The following TWSG1 variants were observed in gnomAD, a reference collection of about 807,000 sequenced individuals.
TWSG1 encodes twisted gastrulation BMP signaling modulator 1, also known as twisted gastrulation protein homolog 1.
Under a neutral mutation model 23.0 loss-of-function variants are expected in TWSG1, and 15 were observed. That is an observed-to-expected ratio of 0.65 (90% confidence interval 0.44 to 1.00). The LOEUF (loss-of-function observed/expected upper bound fraction) is 1.00, where lower values mean the gene tolerates loss of function less well. Among genes scored for constraint, TWSG1 ranks in the 50% least tolerant of loss-of-function variants. The probability of loss-of-function intolerance (pLI) is 0.00; values close to 1 mark genes in which losing one functional copy is unlikely to be tolerated. For synonymous variants in TWSG1, 86 were observed against 92.8 expected, an observed-to-expected ratio of 0.93 and a Z score of 0.42; for missense variants, 242 against 278.7, an observed-to-expected ratio of 0.87 and a Z score of 0.94.
rs1297887431 is a variant in TWSG1 at position 9,396,429 on chromosome 18, G to A, written c.373G>A (p.Glu125Lys). 6.2e-7 allele frequency: 1 copy of A among 1,614,094 alleles called. No homozygotes were observed. The highest frequency in any genetic ancestry group is 8.5e-7 in the Non-Finnish European group (1 of 1,180,058). Residue 125 changes from glutamate (E) to lysine (K), a missense_variant, in exon 4 of 5, where the codon GAA becomes AAA. Physicochemically the swap from Glu to Lys is moderately conservative, Grantham distance 56 (BLOSUM62 1). Transcript: ENST00000262120. ...GAACATCGTTTCTTTCCCTGTTGCA[G>A]AAGAACTTTCACATCATGAGAATCT... is the stretch of plus-strand genomic sequence containing the variant. Reference protein sequence around the residue: ...NWNIVSFPVAEELSHHENLVS... With the variant: ...NWNIVSFPVAKELSHHENLVS...
chr18:9,382,548 T>C (rs1254313871), intron 3 of TWSG1, among the ~76,000 whole-genome samples: 1 of 149,190 alleles, frequency 6.7e-6, no homozygotes, highest in East Asian at 2.0e-4. Context: ...GTGCGGTGGC[T>C]CACACCTATA....
At chr18:9,385,984 T>C (rs1256936348) in intron 3 of TWSG1, among the ~76,000 whole-genome samples, 9 of 142,788 alleles carry the variant, frequency 6.3e-5, no homozygotes, top group East Asian at 4.3e-4. Flanking sequence ...GCCTGGCCAA[T>C]ATGGCGAAAC....
intron 3 of TWSG1, chr18:9,388,136 CTG>C (rs1473992278): frequency 3.3e-5 from 5 of 152,212 alleles, no homozygotes; most frequent in African/African-American, 1.2e-4. Context: ...TGACTGCTTC[CTG>C]TGGTATCCTT....
rs1315204638 is a variant in TWSG1, at chr18:9,396,540, G to A, written c.484G>A (p.Asp162Asn). The A allele has an allele frequency of 1.2e-6, 2 of 1,610,632 alleles. No individual in the cohort carries two copies. The highest frequency in any genetic ancestry group is 1.7e-5 in the Admixed American group (1 of 59,984). ...SNNVHAPYSS[D>N]KEHMCTVVYF... Reference sequence around the variant, plus strand: ...TAATGTTCACGCGCCTTATTCCAGTGACAAAGGTAACTGCCAACAGTTGAC... The same window carrying A: ...TAATGTTCACGCGCCTTATTCCAGTAACAAAGGTAACTGCCAACAGTTGAC... The change falls in exon 4 of 5, where the codon GAC becomes AAC. Residue 162 changes from aspartate (D) to asparagine (N), a missense_variant. By Grantham distance (23) the Asp-to-Asn change is conservative. Transcript: ENST00000262120.
chr18:9,368,203 T>A (rs1415787752), intron 3 of TWSG1, among the ~76,000 whole-genome samples: 4 of 151,842 alleles, frequency 2.6e-5, no homozygotes, highest in African/African-American at 9.7e-5. Context: ...GTTTTTTTTG[T>A]TTTGTTTTGT....
intron 4 of TWSG1, among the ~76,000 whole-genome samples, chr18:9,397,670 A>C (rs1013712619): frequency 6.6e-6 from 1 of 152,232 alleles, no homozygotes. Flanking sequence ...TTGTACTCTT[A>C]CTTGACTATT....
In TWSG1 at chr18:9,351,958, T is replaced by G. The variant is rs190482754; in HGVS notation, c.124-8014T>G. Among the ~76,000 whole-genome samples, 229 of 152,240 alleles carry G rather than the reference T, an allele frequency of 1.5e-3. 8 individuals carry two copies. In the South Asian group the frequency reaches 0.035, roughly 23 times the overall value. On this transcript the variant is annotated intron_variant, in intron 2 of 4. Transcript: ENST00000262120. ...ACTGCTCCCAGCCTGTTCACTGTTT[T>G]TAGATGTACAGTTTTATGATTTTTG...
At chr18:9,398,004 CAAAA>C (rs573745689) in intron 4 of TWSG1, among the ~76,000 whole-genome samples, 39,818 of 83,956 alleles carry the variant, frequency 0.47, 5,444 homozygotes, top group Middle Eastern at 0.55. Context: ...AACTCCATCT[CAAAA>C]AAAAAAAAAA....
rs1209930797 is a variant in TWSG1, at chr18:9,400,742, C to T, written c.*1215C>T. On this transcript the variant is annotated 3_prime_UTR_variant, in exon 5 of 5. Transcript: ENST00000262120. ...GATGATGTTCACTCCAAATACACTA[C>T]AGAATTTAGTCAACATTTTATATAA... The T allele has an allele frequency of 6.6e-6, 1 of 152,144 alleles. No individual in the cohort carries two copies. Among genetic ancestry groups the T allele is most frequent in the East Asian group, 1.9e-4 (1 of 5,204 alleles). 9.4% of individuals were successfully genotyped at this position (152,144 alleles called of 1,614,324 possible).
At chr18:9,388,454 T>A (rs1031120075) in intron 3 of TWSG1, 1 of 152,234 alleles carries the variant, frequency 6.6e-6, no homozygotes, top group African/African-American at 2.4e-5. Context: ...ACTTTTAGAA[T>A]CAATGTATGA....
chr18:9,378,301 A>G (rs1286811541), intron 3 of TWSG1, among the ~76,000 whole-genome samples: 1 of 152,226 alleles, frequency 6.6e-6, no homozygotes, highest in Non-Finnish European at 1.5e-5. Context: ...AAGGCATCCA[A>G]ATAGGAAGAG....
chr18:9,339,913 T>C (rs1379847467), intron 2 of TWSG1, among the ~76,000 whole-genome samples: 2 of 152,222 alleles, frequency 1.3e-5, no homozygotes, highest in Non-Finnish European at 2.9e-5. Context: ...ATGGTGATTC[T>C]AGTAAACAAA....
intron 3 of TWSG1, among the ~76,000 whole-genome samples, chr18:9,378,392 G>A (rs552520748): frequency 6.6e-6 from 1 of 152,238 alleles, no homozygotes; most frequent in African/African-American, 2.4e-5. Flanking sequence ...AAAGCTCCTT[G>A]AACTGATAAA....
At position 9,337,429 on chromosome 18, in the gene TWSG1, G is replaced by A. The variant is rs961113822; in HGVS notation, c.123+77G>A. Reference sequence around the variant, plus strand: ...CATTATGTTTATATACAGATATAGAGTGCATATATCATATAGAGTAAGACC... The same window carrying A: ...CATTATGTTTATATACAGATATAGAATGCATATATCATATAGAGTAAGACC... On this transcript the variant is annotated intron_variant, in intron 2 of 4. Transcript: ENST00000262120. 7 of 1,464,398 alleles carry A rather than the reference G, an allele frequency of 4.8e-6. No homozygotes were observed. The African/African-American group carries it at 7.0e-5, about 15-fold the overall frequency. 90.7% of individuals were successfully genotyped at this position (1,464,398 alleles called of 1,614,324 possible).
At chr18:9,347,589 GA>G (rs1285842373) in intron 2 of TWSG1, among the ~76,000 whole-genome samples, 1 of 151,826 alleles carries the variant, frequency 6.6e-6, no homozygotes, top group African/African-American at 2.4e-5. Flanking sequence ...TATTCTTTTT[GA>G]TGCTATTGTT....
At chr18:9,343,210 T>TTTTATA (rs1934620852) in intron 2 of TWSG1, among the ~76,000 whole-genome samples, 1 of 132,120 alleles carries the variant, frequency 7.6e-6, no homozygotes, top group Non-Finnish European at 1.6e-5. Context: ...TTGTTTTTTG[T>TTTTATA]TATATATATA....
At chr18:9,343,983 C>T (rs2040460832) in intron 2 of TWSG1, among the ~76,000 whole-genome samples, 1 of 152,158 alleles carries the variant, frequency 6.6e-6, no homozygotes, top group African/African-American at 2.4e-5. Flanking sequence ...TCACTGTAAC[C>T]TTGAACTCCT....
intron 2 of TWSG1, among the ~76,000 whole-genome samples, chr18:9,341,917 A>G (rs1444806040): frequency 6.6e-6 from 1 of 152,056 alleles, no homozygotes; most frequent in Non-Finnish European, 1.5e-5. Context: ...TTGGGAGATC[A>G]TGTGAAGCTA....
At chr18:9,343,965 A>G (rs775732048) in intron 2 of TWSG1, among the ~76,000 whole-genome samples, 4 of 152,158 alleles carry the variant, frequency 2.6e-5, no homozygotes, top group Non-Finnish European at 5.9e-5. Flanking sequence ...CAGTGGTGCA[A>G]TCATTGTTCA....
Sources: allele counts gnomAD v4.1 joint callset (sites outside exome capture counted in the v4.1 genomes callset), GRCh38; gene constraint gnomAD v4.1.1; transcripts MANE v1.5; gene names NCBI Gene and HGNC (gene_info 2026-07-23, HGNC 2026-07-21).